Variants in GUCA1B observed in about 807,000 individuals in gnomAD.
The protein encoded by GUCA1B is guanylate cyclase activator 1B.
Under a neutral mutation model 24.2 loss-of-function variants are expected in GUCA1B, and 22 were observed. The observed-to-expected ratio is 0.91, with a 90% confidence interval of 0.65 to 1.30. The LOEUF (loss-of-function observed/expected upper bound fraction) is 1.30. GUCA1B is among the 50% of genes most tolerant of loss of function. GUCA1B has a pLI of 0.00. For missense variants in GUCA1B, 221 were observed against 258.8 expected, an observed-to-expected ratio of 0.85 and a Z score of 1.00; for synonymous variants, 100 against 97.9, an observed-to-expected ratio of 1.02 and a Z score of -0.13.
At chr6:42,188,777 G>A (rs1052527655) in intron 1 of GUCA1B, 46 bp from the exon 2 acceptor site, 1 of 1,574,950 alleles carries the variant, frequency 6.3e-7, no homozygotes, top group African/African-American at 1.3e-5. Flanking sequence ...CACCTCCCCA[G>A]AGCATAGGCC....
intron 1 of GUCA1B, among the ~76,000 whole-genome samples, chr6:42,189,198 T>C (rs897492113): frequency 1.3e-5 from 2 of 152,194 alleles, no homozygotes; most frequent in Admixed American, 1.3e-4. Flanking sequence ...TCTTCAGCCA[T>C]AGTGCTCTCT....
rs184576803 is a variant in GUCA1B, at chr6:42,189,091, A to T, written c.208-360T>A. ...AGCCACCACACCCAGCCTAGAGAAC[A>T]TTCTCTCTTCTCATTTTCTATGATC... On this transcript the variant is annotated intron_variant, in intron 1 of 3. Coordinates refer to ENST00000230361, the MANE Select transcript of GUCA1B (RefSeq NM_002098.6). 2.1e-3 allele frequency among the ~76,000 whole-genome samples: 326 copies of T among 152,102 alleles called. 2 individuals are homozygous for T. The highest frequency in any genetic ancestry group is 7.3e-3 in the African/African-American group (304 of 41,494).
At position 42,184,869 on chromosome 6, in the gene GUCA1B, GT is replaced by G. The variant is rs1562062126; in HGVS notation, c.548del (p.Asp183AlafsTer2). ...GAGCGAGCCAGCTGCTGGGATTCAT[GT>G]CCATCTGCAGCATCTTCATCACCCA... ...DKWVMKMLQMDMNPSSWLAQQ... is the reference protein window; with the variant it reads ...DKWVMKMLQMXMNPSSWLAQQ... On this transcript the variant is annotated frameshift_variant, in exon 4 of 4. Transcript: ENST00000230361. LOFTEE classifies it high-confidence loss of function. 6.2e-7 allele frequency: 1 copy of G among 1,614,086 alleles called. No homozygotes were observed. The highest frequency in any genetic ancestry group is 8.5e-7 in the Non-Finnish European group (1 of 1,179,950).
chr6:42,192,853 C>G (rs977246331), intron 1 of GUCA1B, among the ~76,000 whole-genome samples: 10 of 152,054 alleles, frequency 6.6e-5, no homozygotes, highest in African/African-American at 2.4e-4. Context: ...AATCATGCCA[C>G]TGGGTGACAG....
intron 2 of GUCA1B, among the ~76,000 whole-genome samples, chr6:42,186,430 T>C (rs1453871721): frequency 6.6e-6 from 1 of 152,018 alleles, no homozygotes; most frequent in African/African-American, 2.4e-5. Flanking sequence ...CTGTCTCTAC[T>C]AAAAATACAA....
intron 1 of GUCA1B, among the ~76,000 whole-genome samples, chr6:42,188,999 T>C (rs1768256210): frequency 6.6e-6 from 1 of 151,940 alleles, no homozygotes; most frequent in Admixed American, 6.6e-5. Flanking sequence ...CCCAGGCTGG[T>C]CTCAAATTCT....
intron 2 of GUCA1B, among the ~76,000 whole-genome samples, chr6:42,187,516 GCTCAGGCAATC>G (rs2113845267): frequency 6.6e-6 from 1 of 150,678 alleles, no homozygotes; most frequent in South Asian, 2.1e-4. Context: ...GACCTTCCAG[GCTCAGGCAATC>G]CTCCCACCTC....
intron 1 of GUCA1B, among the ~76,000 whole-genome samples, chr6:42,192,065 A>G (rs1443789992): frequency 2.7e-5 from 4 of 149,740 alleles, no homozygotes; most frequent in Admixed American, 1.3e-4. Context: ...AAAAAAAAAG[A>G]AAAAGGAAGG....
intron 1 of GUCA1B, 39 bp from the exon 2 acceptor site, chr6:42,188,770 C>T (rs1355277483): frequency 6.3e-7 from 1 of 1,590,642 alleles, no homozygotes; most frequent in South Asian, 1.1e-5. Flanking sequence ...CACAGCCCAC[C>T]TCCCCAGAGC....
intron 1 of GUCA1B, among the ~76,000 whole-genome samples, 177 bp from the exon 2 acceptor site, chr6:42,188,908 A>ATCTATCTATCTATCTATATC (rs57943706): frequency 1.3e-5 from 1 of 75,986 alleles, no homozygotes; most frequent in African/African-American, 1.5e-4. Context: ...ATCTATATCT[A>ATCTATCTATCTATCTATATC]TATCATCTCT....
At chr6:42,185,875 C>T in intron 2 of GUCA1B, 78 bp from the exon 3 acceptor site, 2 of 837,932 alleles carry the variant, frequency 2.4e-6, no homozygotes, top group East Asian at 2.4e-5. Context: ...CATCCCCCAG[C>T]ACCACTTCCC....
chr6:42,186,533 C>CA (rs1768195108), intron 2 of GUCA1B, among the ~76,000 whole-genome samples: 1 of 152,008 alleles, frequency 6.6e-6, no homozygotes, highest in Non-Finnish European at 1.5e-5. Context: ...ATAGAGGTTG[C>CA]AGTGGGCCGA....
chr6:42,189,899 A>G (rs1216844780), intron 1 of GUCA1B, among the ~76,000 whole-genome samples: 1 of 152,216 alleles, frequency 6.6e-6, no homozygotes, highest in Admixed American at 6.5e-5. Flanking sequence ...TCTCACTTAC[A>G]GGTGCTCACT....
chr6:42,193,796 G>A (rs1476994123), intron 1 of GUCA1B, among the ~76,000 whole-genome samples: 1 of 152,204 alleles, frequency 6.6e-6, no homozygotes, highest in Non-Finnish European at 1.5e-5. Context: ...ACGCACTGAG[G>A]AATGGAGAAC....
chr6:42,184,735 A>C lies in GUCA1B; in HGVS notation c.*80T>G. 1 of 1,363,748 alleles carries C rather than the reference A, an allele frequency of 7.3e-7. No homozygotes were observed. The highest frequency in any genetic ancestry group is 1.0e-6 in the Non-Finnish European group (1 of 955,750). The allele number at this position is 1,363,748 out of a possible 1,614,324, so 84.5% of individuals were successfully genotyped here. ...AGTCAACACCAGGGGAAGAGTGGGC[A>C]TGAGCAGGCTGAGCCAGGGACCCTC... On this transcript the variant is annotated 3_prime_UTR_variant, in exon 4 of 4. Coordinates refer to ENST00000230361, the MANE Select transcript of GUCA1B (RefSeq NM_002098.6).
intron 1 of GUCA1B, among the ~76,000 whole-genome samples, chr6:42,193,566 C>T (rs961457398): frequency 2.0e-5 from 3 of 152,170 alleles, no homozygotes. Flanking sequence ...CAGAGGAGAC[C>T]TAAGAGAGGC....
chr6:42,186,056 G>A (rs1271178691), intron 2 of GUCA1B, among the ~76,000 whole-genome samples: 1 of 152,192 alleles, frequency 6.6e-6, no homozygotes, highest in Non-Finnish European at 1.5e-5. Flanking sequence ...ACTGTGAGCT[G>A]CAAAGCCCAA....
At chr6:42,192,679 T>C (rs1448180222) in intron 1 of GUCA1B, among the ~76,000 whole-genome samples, 1 of 152,082 alleles carries the variant, frequency 6.6e-6, no homozygotes, top group Non-Finnish European at 1.5e-5. Flanking sequence ...GCCACTGCAC[T>C]CTAGCCTGGG....
In GUCA1B at chr6:42,184,577, C is replaced by A; in HGVS notation, c.*238G>T. The A allele has an allele frequency of 1.8e-6, 1 of 558,762 alleles. No homozygotes were observed. 34.6% of individuals were successfully genotyped at this position (558,762 alleles called of 1,614,324 possible). Reference sequence around the variant, plus strand: ...CAAGGCACAGTCCTCCCAGGAGCGGCTGAACAGGAAAAGTAACTGAATTCC... The same window carrying A: ...CAAGGCACAGTCCTCCCAGGAGCGGATGAACAGGAAAAGTAACTGAATTCC... On this transcript the variant is annotated 3_prime_UTR_variant, in exon 4 of 4. Coordinates refer to ENST00000230361, the MANE Select transcript of GUCA1B (RefSeq NM_002098.6).
Sources: gnomAD v4.1 joint callset for allele counts (sites outside exome capture counted in the v4.1 genomes callset) on GRCh38, gnomAD v4.1.1 for gene constraint, MANE v1.5 for transcripts, NCBI Gene and HGNC (gene_info 2026-07-23, HGNC 2026-07-21) for gene names.